The following PCSK5 variants were observed in gnomAD, a reference collection of about 807,000 sequenced individuals.
PCSK5 encodes the protein prohormone convertase 5.
A neutral mutation model predicts 233.2 loss-of-function variants in PCSK5; 129 were observed. The ratio of observed to expected loss-of-function variants is 0.55; its 90% CI spans 0.48 to 0.64. The LOEUF (loss-of-function observed/expected upper bound fraction) is 0.64, where lower values mean the gene tolerates loss of function less well. Ranked by LOEUF, PCSK5 falls within the 30% of genes least tolerant of loss-of-function variation. The pLI is 0.00. For synonymous variants in PCSK5, 825 were observed against 879.2 expected (o/e 0.94, Z 1.09); for missense variants, 2,076 against 2,430.1 (o/e 0.85, Z 3.06).
At chr9:76,354,686 A>G (rs988958045) in intron 37 of PCSK5, among the ~76,000 whole-genome samples, 2 of 152,132 alleles carry the variant, frequency 1.3e-5, no homozygotes, top group African/African-American at 4.8e-5. Flanking sequence ...CTGAGGTGAG[A>G]GGATCTCTTG....
intron 5 of PCSK5, among the ~76,000 whole-genome samples, chr9:76,051,931 T>C (rs537024873): frequency 6.6e-5 from 10 of 151,844 alleles, no homozygotes; most frequent in African/African-American, 2.4e-4. Context: ...GATTTGAGAG[T>C]CCTAATAGAC....
At chr9:76,135,282 T>C (rs1822924123) in intron 10 of PCSK5, among the ~76,000 whole-genome samples, 1 of 152,094 alleles carries the variant, frequency 6.6e-6, no homozygotes, top group Non-Finnish European at 1.5e-5. Context: ...TCTGCCAGAA[T>C]GTATATTTTT....
chr9:76,295,849 T>C (rs1452432410), intron 26 of PCSK5, among the ~76,000 whole-genome samples: 1 of 152,168 alleles, frequency 6.6e-6, no homozygotes, highest in Non-Finnish European at 1.5e-5. Context: ...TGGAAATGGA[T>C]AGTTAGGAAA....
At chr9:75,906,018 A>G (rs965936044) in intron 1 of PCSK5, among the ~76,000 whole-genome samples, 2 of 152,204 alleles carry the variant, frequency 1.3e-5, no homozygotes, top group Non-Finnish European at 1.5e-5. Flanking sequence ...TCTACTAGGC[A>G]CAATACAATT....
At chr9:76,029,257 A>G (rs1828556980) in intron 5 of PCSK5, among the ~76,000 whole-genome samples, 1 of 152,206 alleles carries the variant, frequency 6.6e-6, no homozygotes, top group Non-Finnish European at 1.5e-5. Context: ...TATAAGGTAA[A>G]TAATGAGTTT....
At chr9:76,318,773 C>G (rs1048496870) in intron 30 of PCSK5, among the ~76,000 whole-genome samples, 2 of 152,176 alleles carry the variant, frequency 1.3e-5, no homozygotes, top group African/African-American at 4.8e-5. Flanking sequence ...TCCAATCTTA[C>G]AGGGCATTAA....
intron 3 of PCSK5, among the ~76,000 whole-genome samples, chr9:75,987,755 T>G (rs1160869322): frequency 6.6e-6 from 1 of 152,078 alleles, no homozygotes; most frequent in Non-Finnish European, 1.5e-5. Flanking sequence ...GGCATTGGAG[T>G]GAGCACTGGC....
At chr9:75,977,878 C>T (rs1344136303) in intron 2 of PCSK5, among the ~76,000 whole-genome samples, 12 of 151,550 alleles carry the variant, frequency 7.9e-5, no homozygotes, top group African/African-American at 2.7e-4. Context: ...CCCAAAGTGC[C>T]GGGATTACAA....
chr9:76,298,188 T>A (rs1587846941), intron 27 of PCSK5, among the ~76,000 whole-genome samples: 1 of 152,086 alleles, frequency 6.6e-6, no homozygotes, highest in Non-Finnish European at 1.5e-5. Context: ...AGAGCAGGCT[T>A]GATTCCCCAA....
intron 20 of PCSK5, chr9:76,194,731 CTT>C (rs1824604332): frequency 2.2e-6 from 1 of 463,180 alleles, no homozygotes; most frequent in South Asian, 1.6e-5. Flanking sequence ...TCTTATAGAT[CTT>C]TTGACAGTTT....
chr9:76,122,816 C>CTTTTTTTTTT (rs11430110), intron 9 of PCSK5, among the ~76,000 whole-genome samples: 6 of 130,484 alleles, frequency 4.6e-5, no homozygotes, highest in South Asian at 2.5e-4. Context: ...CTTATTTTTT[C>CTTTTTTTTTT]TTTTTTTTTT....
At chr9:76,031,991 T>C (rs1828671477) in intron 5 of PCSK5, among the ~76,000 whole-genome samples, 1 of 152,170 alleles carries the variant, frequency 6.6e-6, no homozygotes, top group South Asian at 2.1e-4. Flanking sequence ...GAAGTTGAGA[T>C]AGGTTTGTCT....
chr9:75,936,863 T>G (rs1824078141), intron 2 of PCSK5, among the ~76,000 whole-genome samples: 1 of 152,192 alleles, frequency 6.6e-6, no homozygotes, highest in African/African-American at 2.4e-5. Flanking sequence ...ACACTATCTA[T>G]CAGAGCAGTA....
rs78696771 is a variant in PCSK5, at chr9:75,990,318, C to T, written c.411+4073C>T. Among the ~76,000 whole-genome samples the T allele has an allele frequency of 6.6e-3, 1,000 of 152,262 alleles. 4 individuals are homozygous for T. The highest frequency in any genetic ancestry group is 0.01 in the Non-Finnish European group (709 of 68,010). On this transcript the variant is annotated intron_variant, in intron 3 of 37. Coordinates refer to ENST00000674117, the MANE Select transcript of PCSK5 (RefSeq NM_001372043.1). ...TAAAGAATGGCATGAAGTGTGCCTGCGTGTCTCTTTTAATTAATTTACAAG... is the reference window on the plus strand; with the variant it reads ...TAAAGAATGGCATGAAGTGTGCCTGTGTGTCTCTTTTAATTAATTTACAAG...
At position 75,984,629 on chromosome 9, in the gene PCSK5, A is replaced by G. The variant is rs539003428; in HGVS notation, c.298-1503A>G. Among the ~76,000 whole-genome samples the G allele has an allele frequency of 3.2e-4, 48 of 152,330 alleles. No individual in the cohort carries two copies. In the South Asian group the frequency reaches 9.5e-3, roughly 30 times the overall value. ...ATAGGGCCTGTGTCAGATGTCATTC[A>G]TGGAGGTAAAGATATTTTTATGAAG... On this transcript the variant is annotated intron_variant, in intron 2 of 37. Coordinates refer to ENST00000674117, the MANE Select transcript of PCSK5 (RefSeq NM_001372043.1).
At chr9:76,327,786 G>A (rs551036333) in intron 32 of PCSK5, among the ~76,000 whole-genome samples, 1 of 152,150 alleles carries the variant, frequency 6.6e-6, no homozygotes. Flanking sequence ...GGATACAACA[G>A]AGAAAATAAA....
At chr9:75,964,155 G>A (rs12550875) in intron 2 of PCSK5, among the ~76,000 whole-genome samples, 4,801 of 151,882 alleles carry the variant, frequency 0.032, 78 homozygotes, top group Non-Finnish European at 0.035. Flanking sequence ...CTGCTGCATC[G>A]TTTTTTTTCC....
At chr9:76,207,612 C>T (rs1825171903) in intron 20 of PCSK5, among the ~76,000 whole-genome samples, 1 of 152,116 alleles carries the variant, frequency 6.6e-6, no homozygotes, top group Admixed American at 6.5e-5. Context: ...AGATTTTATA[C>T]TGTAATAAAG....
chr9:76,328,121 C>T lies in PCSK5; in HGVS notation c.4452C>T (p.Pro1484=). Residue 1484 remains proline, a synonymous_variant, in exon 33 of 38, where the codon CCC becomes CCT. Transcript: ENST00000674117. ...GCATGGCCAACGAGAAGTGCTCACC[C>T]TCCGAGTACTGGGATGAGGATGCTC... is the stretch of plus-strand genomic sequence containing the variant. ...GSCMANEKCS[P]SEYWDEDAPG... 6.2e-7 allele frequency: 1 copy of T among 1,612,694 alleles called. No individual in the cohort carries two copies. Among genetic ancestry groups the T allele is most frequent in the African/African-American group, 1.3e-5 (1 of 75,048 alleles).
Sources: gnomAD v4.1 joint callset for allele counts (sites outside exome capture counted in the v4.1 genomes callset) on GRCh38, gnomAD v4.1.1 for gene constraint, MANE v1.5 for transcripts, NCBI Gene and HGNC (gene_info 2026-07-23, HGNC 2026-07-21) for gene names.